TNFAIP8: variants seen among roughly 807,000 people sequenced by gnomAD.
TNFAIP8 encodes the protein tumor necrosis factor alpha-induced protein 8.
A neutral mutation model predicts 13.3 loss-of-function variants in TNFAIP8; 7 were observed. The ratio of observed to expected loss-of-function variants is 0.52; its 90% CI spans 0.30 to 0.99. The LOEUF (loss-of-function observed/expected upper bound fraction) is 0.99. TNFAIP8 is among the 50% of genes least tolerant of loss of function. The probability of loss-of-function intolerance (pLI) is 0.07; values close to 1 mark genes in which losing one functional copy is unlikely to be tolerated. For missense variants in TNFAIP8, 258 were observed against 236.9 expected (o/e 1.09, Z -0.58); for synonymous variants, 94 against 87.6 (o/e 1.07, Z -0.41).
chr5:119,288,899 T>C (rs1190506904), intron 1 of TNFAIP8, among the ~76,000 whole-genome samples: 1 of 152,252 alleles, frequency 6.6e-6, no homozygotes, highest in East Asian at 1.9e-4. Context: ...CTACTCATTC[T>C]TGGAATGAAT....
chr5:119,375,080 C>T (rs1020916876), intron 1 of TNFAIP8, among the ~76,000 whole-genome samples: 1 of 152,132 alleles, frequency 6.6e-6, no homozygotes. Flanking sequence ...AAGAAAAAAA[C>T]ACTATGAGGG....
chr5:119,302,372 GT>G (rs1305095089), intron 1 of TNFAIP8, among the ~76,000 whole-genome samples: 1 of 152,040 alleles, frequency 6.6e-6, no homozygotes, highest in African/African-American at 2.4e-5. Flanking sequence ...ACACTAAATA[GT>G]TTTTTTCTCC....
At chr5:119,382,525 A>G (rs530820456) in intron 1 of TNFAIP8, among the ~76,000 whole-genome samples, 8 of 152,316 alleles carry the variant, frequency 5.3e-5, no homozygotes, top group Admixed American at 4.6e-4. Flanking sequence ...GGCATCCTAT[A>G]CCAGCAGAAC....
At chr5:119,294,316 C>G (rs924788015) in intron 1 of TNFAIP8, among the ~76,000 whole-genome samples, 7 of 151,762 alleles carry the variant, frequency 4.6e-5, no homozygotes, top group African/African-American at 9.7e-5. Flanking sequence ...TTGTCCTTGC[C>G]ATAGTTTACT....
chr5:119,316,112 G>A (rs1330463130), intron 1 of TNFAIP8: 1 of 151,132 alleles, frequency 6.6e-6, no homozygotes, highest in South Asian at 2.1e-4. Flanking sequence ...AAAGGGTAAA[G>A]AACTTTGCAG....
chr5:119,348,237 A>G (rs946860450), intron 1 of TNFAIP8, among the ~76,000 whole-genome samples: 1 of 152,218 alleles, frequency 6.6e-6, no homozygotes, highest in Non-Finnish European at 1.5e-5. Context: ...GGAAAGTTGC[A>G]TAACTGTCTC....
At chr5:119,351,788 CTTTTTT>C (rs1177061965), upstream of TNFAIP8, among the ~76,000 whole-genome samples, 12 of 138,240 alleles carry the variant, frequency 8.7e-5, no homozygotes, top group African/African-American at 1.2e-4. Flanking sequence ...TTTTCTTTTT[CTTTTTT>C]TCTTTTTTTT....
At chr5:119,361,216 C>T (rs6870253) in intron 1 of TNFAIP8, among the ~76,000 whole-genome samples, 57,937 of 152,082 alleles carry the variant, frequency 0.38, 12,913 homozygotes, top group African/African-American at 0.62. Flanking sequence ...GAAGCATTTG[C>T]GGGGCTGCAG....
chr5:119,372,911 A>G (rs1234030124), intron 1 of TNFAIP8, among the ~76,000 whole-genome samples: 1 of 152,222 alleles, frequency 6.6e-6, no homozygotes, highest in Non-Finnish European at 1.5e-5. Context: ...CAGTGAGCCA[A>G]GATGGCGCCA....
chr5:119,343,383 C>G (rs751422204), intron 1 of TNFAIP8, among the ~76,000 whole-genome samples: 2 of 152,172 alleles, frequency 1.3e-5, no homozygotes, highest in South Asian at 2.1e-4. Context: ...TATAGATTGT[C>G]GAAAATTACT....
At chr5:119,335,509 G>C (rs537888602) in intron 1 of TNFAIP8, among the ~76,000 whole-genome samples, 1 of 152,114 alleles carries the variant, frequency 6.6e-6, no homozygotes, top group East Asian at 1.9e-4. Context: ...CACCTGGGCT[G>C]GCTTGTTTTT....
chr5:119,371,923 G>C (rs1277667194), intron 1 of TNFAIP8, among the ~76,000 whole-genome samples: 1 of 151,850 alleles, frequency 6.6e-6, no homozygotes, highest in Non-Finnish European at 1.5e-5. Flanking sequence ...AGATCACAAA[G>C]TCAGGAGATC....
At chr5:119,306,421 G>A (rs1329153246) in intron 1 of TNFAIP8, 2 of 150,898 alleles carry the variant, frequency 1.3e-5, no homozygotes, top group East Asian at 3.9e-4. Context: ...GATCAGCACA[G>A]GATTTTGATC....
intron 1 of TNFAIP8, among the ~76,000 whole-genome samples, chr5:119,279,182 T>A (rs908706424): frequency 2.6e-5 from 4 of 152,186 alleles, no homozygotes; most frequent in African/African-American, 9.7e-5. Context: ...GAATTGAGGC[T>A]TAAGGAGGTT....
intron 1 of TNFAIP8, among the ~76,000 whole-genome samples, chr5:119,392,145 C>T (rs924187067): frequency 3.3e-5 from 5 of 152,220 alleles, no homozygotes; most frequent in Non-Finnish European, 5.9e-5. Context: ...CTTTTCAACA[C>T]TCGACTTCTG....
chr5:119,295,342 A>C (rs1749142241), intron 1 of TNFAIP8, among the ~76,000 whole-genome samples: 1 of 151,658 alleles, frequency 6.6e-6, no homozygotes, highest in Admixed American at 6.6e-5. Flanking sequence ...TCAGCTTTCT[A>C]CATATGGCTA....
At chr5:119,339,481 AAACTGAGTTTCTCT>A (rs1361571309) in intron 1 of TNFAIP8, among the ~76,000 whole-genome samples, 1 of 105,934 alleles carries the variant, frequency 9.4e-6, no homozygotes, top group African/African-American at 3.7e-5. Context: ...TTTTTTTTTT[AAACTGAGTTTCTCT>A]AATTTGGTGA....
chr5:119,270,654 A>G (rs1037341716), intron 1 of TNFAIP8, among the ~76,000 whole-genome samples: 2 of 152,244 alleles, frequency 1.3e-5, no homozygotes, highest in Non-Finnish European at 2.9e-5. Context: ...TTCACTGCCC[A>G]TCTTTTCAGT....
At chr5:119,288,938 A>T (rs976281347) in intron 1 of TNFAIP8, among the ~76,000 whole-genome samples, 1 of 152,350 alleles carries the variant, frequency 6.6e-6, no homozygotes, top group Admixed American at 6.5e-5. Flanking sequence ...TAAATTGTCT[A>T]GATTTGTGCT....
Sources: allele counts gnomAD v4.1 joint callset (sites outside exome capture counted in the v4.1 genomes callset), GRCh38; gene constraint gnomAD v4.1.1; transcripts MANE v1.5; gene names NCBI Gene and HGNC (gene_info 2026-07-23, HGNC 2026-07-21).